DZIP1L: variants seen among roughly 807,000 people sequenced by gnomAD.
DZIP1L encodes the protein cilium assembly protein DZIP1L.
DZIP1L carries 90 observed loss-of-function variants against 88.7 expected under a neutral mutation model. That is an observed-to-expected ratio of 1.02 (90% CI 0.86 to 1.21). The LOEUF is 1.21. DZIP1L is among the 50% of genes most tolerant of loss of function. The probability of loss-of-function intolerance (pLI) is 0.00; values close to 1 mark genes in which losing one functional copy is unlikely to be tolerated. For synonymous variants in DZIP1L, 363 were observed against 372.1 expected, an observed-to-expected ratio of 0.98 and a Z score of 0.28; for missense variants, 932 against 955.8, an observed-to-expected ratio of 0.98 and a Z score of 0.33.
Position 138,084,219 on chromosome 3 carries a change from A to T in DZIP1L, c.1097T>A (p.Leu366Gln). The T allele has an allele frequency of 6.2e-7, 1 of 1,614,146 alleles. No homozygotes were observed. Residue 366 changes from leucine to glutamine, a missense_variant, in exon 8 of 16, where the codon CTG (leucine) becomes CAG (glutamine). Leu to Gln is a moderately radical substitution (Grantham distance 113). Coordinates refer to ENST00000327532, the MANE Select transcript of DZIP1L (RefSeq NM_173543.3). Reference protein sequence around the residue: ...QEENQRLQASLSQDQKKAAAQ... With the variant: ...QEENQRLQASQSQDQKKAAAQ... ...AGCTGCCTTCTTCTGATCCTGAGACAGGGAGGCCTGGAGCCTCTGGTTCTC... is the reference window on the plus strand; with the variant it reads ...AGCTGCCTTCTTCTGATCCTGAGACTGGGAGGCCTGGAGCCTCTGGTTCTC...
intron 1 of DZIP1L, among the ~76,000 whole-genome samples, chr3:138,114,018 AAAAC>A (rs1340768206): frequency 8.5e-5 from 13 of 152,356 alleles, no homozygotes; most frequent in African/African-American, 2.6e-4. Context: ...GCAGAATTGT[AAAAC>A]AAACAAACAT....
In DZIP1L at chr3:138,103,823, A is replaced by G. The variant is rs747343805; in HGVS notation, c.149T>C (p.Leu50Pro). ...ATTCTCCTGCAGAGTGGCCACATCC[A>G]GTTCCCGGGCCACGCGGTCTACATC... Reference protein sequence around the residue: ...TLDVDRVARELDVATLQENIA... With the variant: ...TLDVDRVAREPDVATLQENIA... Residue 50 changes from leucine (L) to proline (P), a missense_variant, in exon 2 of 16, where the codon CTG (leucine) becomes CCG (proline). Transcript: ENST00000327532. 1 of 1,614,200 alleles carries G rather than the reference A, an allele frequency of 6.2e-7. No individual in the cohort carries two copies. The highest frequency in any genetic ancestry group is 8.5e-7 in the Non-Finnish European group (1 of 1,180,046).
intron 1 of DZIP1L, among the ~76,000 whole-genome samples, chr3:138,106,870 GAGAGAGAGAGAGAGAA>G (rs2042510084): frequency 3.9e-5 from 1 of 25,852 alleles, no homozygotes; most frequent in African/African-American, 7.3e-5. Flanking sequence ...AAAAAAAAAA[GAGAGAGAGAGAGAGAA>G]AGAGAGAGAG....
intron 14 of DZIP1L, among the ~76,000 whole-genome samples, chr3:138,065,042 G>T (rs182871016): frequency 2.9e-3 from 437 of 152,362 alleles, no homozygotes; most frequent in Non-Finnish European, 3.4e-3. Flanking sequence ...CCTCTAATGA[G>T]AGGCTGAGGC....
chr3:138,068,028 T>G (rs1483732425), intron 13 of DZIP1L, 123 bp downstream of exon 13: 1 of 907,832 alleles, frequency 1.1e-6, no homozygotes, highest in Non-Finnish European at 1.5e-6. Context: ...CTGAGGCACC[T>G]TCTATTCACA....
At chr3:138,108,957 T>G (rs1259238648) in intron 1 of DZIP1L, among the ~76,000 whole-genome samples, 1 of 152,278 alleles carries the variant, frequency 6.6e-6, no homozygotes, top group African/African-American at 2.4e-5. Flanking sequence ...GACTTACTGA[T>G]TTAGAACCAC....
chr3:138,093,627 T>C (rs1392008979), intron 4 of DZIP1L, among the ~76,000 whole-genome samples: 1 of 152,264 alleles, frequency 6.6e-6, no homozygotes, highest in African/African-American at 2.4e-5. Context: ...TTATCTTAGC[T>C]AGATCTCCAA....
intron 7 of DZIP1L, among the ~76,000 whole-genome samples, chr3:138,086,289 C>A (rs1456363674): frequency 2.0e-5 from 3 of 151,264 alleles, no homozygotes; most frequent in African/African-American, 7.3e-5. Flanking sequence ...AAAGAAAATG[C>A]TTCAGATAAA....
In DZIP1L at chr3:138,103,783, G is replaced by C; in HGVS notation, c.189C>G (p.Thr63=). 1 of 1,614,144 alleles carries C rather than the reference G, an allele frequency of 6.2e-7. No homozygotes were observed. Among genetic ancestry groups the C allele is most frequent in the Non-Finnish European group, 8.5e-7 (1 of 1,180,042 alleles). ...ACACCTCCCGGTCCAAGTTGCAGAAGGTGATGCCAGCAATATTCTCCTGCA... is the reference window on the plus strand; with the variant it reads ...ACACCTCCCGGTCCAAGTTGCAGAACGTGATGCCAGCAATATTCTCCTGCA... ...ATLQENIAGI[T]FCNLDREVCS... Residue 63 remains threonine (T), a synonymous_variant, in exon 2 of 16, where the codon ACC becomes ACG. Coordinates refer to ENST00000327532, the MANE Select transcript of DZIP1L (RefSeq NM_173543.3).
intron 4 of DZIP1L, among the ~76,000 whole-genome samples, chr3:138,093,646 G>C (rs1944339170): frequency 6.6e-6 from 1 of 152,160 alleles, no homozygotes; most frequent in African/African-American, 2.4e-5. Context: ...AAGATAACTT[G>C]CTGCAGCTTC....
intron 3 of DZIP1L, 125 bp downstream of exon 3, chr3:138,097,638 T>C: frequency 2.3e-6 from 2 of 854,390 alleles, no homozygotes; most frequent in Non-Finnish European, 3.6e-6. Flanking sequence ...GATCATCCCA[T>C]CCCCAATTGG....
chr3:138,072,116 G>C (rs927895720), intron 11 of DZIP1L, among the ~76,000 whole-genome samples: 5 of 152,170 alleles, frequency 3.3e-5, no homozygotes, highest in Non-Finnish European at 7.3e-5. Context: ...ATAGCATAAG[G>C]GACTTCGTTG....
At chr3:138,099,802 A>G (rs1471111717) in intron 2 of DZIP1L, among the ~76,000 whole-genome samples, 2 of 152,166 alleles carry the variant, frequency 1.3e-5, no homozygotes, top group Non-Finnish European at 2.9e-5. Context: ...TTCCACCAGG[A>G]GTGAAAGCAG....
chr3:138,088,552 A>G, intron 5 of DZIP1L, 45 bp from the exon 6 acceptor site: 1 of 1,599,724 alleles, frequency 6.3e-7, no homozygotes, highest in South Asian at 1.1e-5. Flanking sequence ...AGATCTCATC[A>G]TGATGTTGTC....
intron 11 of DZIP1L, among the ~76,000 whole-genome samples, chr3:138,075,741 A>C (rs1013478559): frequency 6.6e-6 from 1 of 152,112 alleles, no homozygotes; most frequent in African/African-American, 2.4e-5. Flanking sequence ...TAATCTCAGC[A>C]CCTTGGGAGG....
At chr3:138,078,809 G>A (rs2107765125) in intron 10 of DZIP1L, among the ~76,000 whole-genome samples, 1 of 152,334 alleles carries the variant, frequency 6.6e-6, no homozygotes, top group South Asian at 2.1e-4. Flanking sequence ...CACCTGCGGA[G>A]CTTTAAATGC....
Position 138,088,417 on chromosome 3 carries a change from G to C in DZIP1L, c.961C>G (p.Arg321Gly). 1 of 1,613,236 alleles carries C rather than the reference G, an allele frequency of 6.2e-7. No homozygotes were observed. The highest frequency in any genetic ancestry group is 1.7e-5 in the Admixed American group (1 of 59,956). ...TTCTCTCTCAGGGCCTGAAGCTCCC[G>C]TGCCTGCCGAAGCCACTCCTCTGAC... ...EESEEWLRQARELQALREKTE... is the reference protein window; with the variant it reads ...EESEEWLRQAGELQALREKTE... The change falls in exon 6 of 16, where the codon CGG becomes GGG. Residue 321 changes from arginine to glycine, a missense_variant. By Grantham distance (125) the Arg-to-Gly change is moderately radical. Coordinates refer to ENST00000327532, the MANE Select transcript of DZIP1L (RefSeq NM_173543.3).
intron 10 of DZIP1L, among the ~76,000 whole-genome samples, chr3:138,080,034 G>A (rs1943574410): frequency 6.6e-6 from 1 of 152,124 alleles, no homozygotes; most frequent in Admixed American, 6.5e-5. Context: ...ATCTGGTTGA[G>A]AGGTCTGCGA....
rs1943188697 is a variant in DZIP1L, at chr3:138,071,725, C to T, written c.1533G>A (p.Lys511=). ...KFSEFLSLRG[K]LVKEVTSRAK... Reference sequence around the variant, plus strand: ...CTCTGCTGGTGACTTCCTTGACAAGCTTTCCCCTCAGACTCAGAAATTCAG... The same window carrying T: ...CTCTGCTGGTGACTTCCTTGACAAGTTTTCCCCTCAGACTCAGAAATTCAG... The change falls in exon 12 of 16, where the codon AAG becomes AAA. Residue 511 remains lysine (K), a synonymous_variant. Coordinates refer to ENST00000327532, the MANE Select transcript of DZIP1L (RefSeq NM_173543.3). 3.1e-6 allele frequency: 5 copies of T among 1,614,220 alleles called. No homozygotes were observed. The African/African-American group carries it at 6.7e-5, about 22-fold the overall frequency.
Sources: gnomAD v4.1 joint callset for allele counts (sites outside exome capture counted in the v4.1 genomes callset) on GRCh38, gnomAD v4.1.1 for gene constraint, MANE v1.5 for transcripts, NCBI Gene and HGNC (gene_info 2026-07-23, HGNC 2026-07-21) for gene names.